RALGAPB: variants seen among roughly 807,000 people sequenced by gnomAD.
RALGAPB encodes the protein ral GTPase-activating protein subunit beta.
RALGAPB carries 25 observed loss-of-function variants against 161.1 expected under a neutral mutation model. The observed-to-expected ratio is 0.16, with a 90% CI of 0.11 to 0.22. The LOEUF (loss-of-function observed/expected upper bound fraction) is 0.22, where lower values mean the gene tolerates loss of function less well. Among genes scored for constraint, RALGAPB ranks in the 10% least tolerant of loss-of-function variants. The pLI, the probability that RALGAPB is intolerant of heterozygous loss-of-function variation, is 1.00. For synonymous variants in RALGAPB, 629 were observed against 626.1 expected, an observed-to-expected ratio of 1.00 and a Z score of -0.07; for missense variants, 1,391 against 1,815.2, an observed-to-expected ratio of 0.77 and a Z score of 4.25.
rs752562798 is a variant in RALGAPB at position 38,546,278 on chromosome 20, G to C, written c.2750G>C (p.Ser917Thr). The C allele has an allele frequency of 1.2e-6, 2 of 1,614,068 alleles. No homozygotes were observed. The highest frequency in any genetic ancestry group is 1.7e-6 in the Non-Finnish European group (2 of 1,179,984). The change falls in exon 19 of 30, where the codon AGT becomes ACT. Residue 917 changes from serine to threonine, a missense_variant. Around this residue, in one of 3 missense-constraint regions of RALGAPB, gnomAD observed 946 missense variants for 1,257.2 expected, o/e 0.75. Coordinates refer to ENST00000262879, the MANE Select transcript of RALGAPB (RefSeq NM_020336.4). ...MQLLGAFPSPSGPASPCSLVN... is the reference protein window; with the variant it reads ...MQLLGAFPSPTGPASPCSLVN... ...TTGCTCGGCGCATTTCCTTCACCTA[G>C]TGGTCCTGCCTCTCCTTGTAGTCTT...
At chr20:38,550,791 T>G (rs2087348099) in intron 20 of RALGAPB, among the ~76,000 whole-genome samples, 1 of 152,228 alleles carries the variant, frequency 6.6e-6, no homozygotes, top group East Asian at 1.9e-4. Context: ...GGATAACCAC[T>G]GAATGTGGGA....
At chr20:38,552,612 GA>G (rs2087416848) in intron 21 of RALGAPB, among the ~76,000 whole-genome samples, 1 of 152,168 alleles carries the variant, frequency 6.6e-6, no homozygotes, top group Non-Finnish European at 1.5e-5. Flanking sequence ...GTCTAGTCTA[GA>G]AAAGAGATGC....
intron 22 of RALGAPB, among the ~76,000 whole-genome samples, chr20:38,555,368 G>A (rs1017790441): frequency 7.9e-5 from 12 of 152,134 alleles, no homozygotes; most frequent in Admixed American, 5.9e-4. Flanking sequence ...AGCATGTAGC[G>A]GGAAAATTTT....
intron 21 of RALGAPB, 48 bp from the exon 22 acceptor site, chr20:38,553,819 A>T: frequency 2.3e-6 from 2 of 874,464 alleles, no homozygotes; most frequent in Non-Finnish European, 3.7e-6. Context: ...GATTGGCCTT[A>T]CTAGTTTGAT....
rs544543719 is a variant in RALGAPB at position 38,546,320 on chromosome 20, T to G, written c.2792T>G (p.Leu931Trp). The stretch of plus-strand genomic sequence containing the variant: ...TGTAGTCTTGTGAATGAGACCACTT[T>G]GATTAAATACTCCAGGCTGCCAACC... Reference protein sequence around the residue: ...SPCSLVNETTLIKYSRLPTIN... With the variant: ...SPCSLVNETTWIKYSRLPTIN... The change falls in exon 19 of 30, where the codon TTG (leucine) becomes TGG (tryptophan). Residue 931 changes from leucine to tryptophan, a missense_variant. Transcript: ENST00000262879. 2 of 1,614,142 alleles carry G rather than the reference T, an allele frequency of 1.2e-6. No homozygotes were observed. The highest frequency in any genetic ancestry group is 2.7e-5 in the African/African-American group (2 of 75,054).
At chr20:38,562,724 A>G in intron 24 of RALGAPB, 27 bp downstream of exon 24, 1 of 1,560,516 alleles carries the variant, frequency 6.4e-7, no homozygotes, top group East Asian at 2.3e-5. Flanking sequence ...TTCAAATGTC[A>G]GTTGTTTCTT....
intron 1 of RALGAPB, among the ~76,000 whole-genome samples, chr20:38,474,019 AC>A (rs879269922): frequency 6.6e-6 from 1 of 152,222 alleles, no homozygotes; most frequent in Non-Finnish European, 1.5e-5. Context: ...AGGTTGACTG[AC>A]CACTACACCT....
At position 38,499,628 on chromosome 20, in the gene RALGAPB, T is replaced by C; in HGVS notation, c.735T>C (p.Thr245=). ...GGAGCAAGGTCATTTGTGCACTCAC[T>C]TCCAGGTAGGTTATTGTCATTGCCC... ...EQWSKVICAL[T]SRLLRFTYGP... Residue 245 remains threonine (T), a synonymous_variant, in exon 5 of 30, where the codon ACT becomes ACC. Transcript: ENST00000262879. 1.9e-6 allele frequency: 3 copies of C among 1,610,422 alleles called. No individual in the cohort carries two copies. Among genetic ancestry groups the C allele is most frequent in the Non-Finnish European group, 2.5e-6 (3 of 1,178,474 alleles).
intron 20 of RALGAPB, among the ~76,000 whole-genome samples, chr20:38,549,130 A>C (rs1343245749): frequency 6.6e-6 from 1 of 152,190 alleles, no homozygotes; most frequent in Admixed American, 6.5e-5. Flanking sequence ...ACGTGAAAAA[A>C]ATTTGGTGGG....
At chr20:38,529,784 T>C (rs1047327473) in intron 13 of RALGAPB, among the ~76,000 whole-genome samples, 1 of 152,088 alleles carries the variant, frequency 6.6e-6, no homozygotes, top group Non-Finnish European at 1.5e-5. Context: ...GAGGTTGCAG[T>C]GAGCCAAGAT....
At chr20:38,488,161 TG>T (rs2085172998) in intron 1 of RALGAPB, among the ~76,000 whole-genome samples, 1 of 152,242 alleles carries the variant, frequency 6.6e-6, no homozygotes, top group Non-Finnish European at 1.5e-5. Context: ...TTATTATGTG[TG>T]ATGCCTTTAT....
intron 2 of RALGAPB, among the ~76,000 whole-genome samples, chr20:38,488,917 C>T (rs2085197635): frequency 6.6e-6 from 1 of 152,152 alleles, no homozygotes; most frequent in South Asian, 2.1e-4. Context: ...AAGACAAAGA[C>T]TTGAATGTCA....
At chr20:38,503,045 T>C (rs2085643223) in intron 5 of RALGAPB, among the ~76,000 whole-genome samples, 1 of 152,252 alleles carries the variant, frequency 6.6e-6, no homozygotes, top group Non-Finnish European at 1.5e-5. Flanking sequence ...TTAATTACTT[T>C]TGTACCAACA....
At chr20:38,494,942 A>G (rs958990197) in intron 3 of RALGAPB, among the ~76,000 whole-genome samples, 3 of 152,206 alleles carry the variant, frequency 2.0e-5, no homozygotes, top group African/African-American at 7.2e-5. Flanking sequence ...TGACTACCTT[A>G]TAAATGGTTT....
intron 26 of RALGAPB, chr20:38,569,633 C>A: frequency 2.5e-6 from 1 of 396,948 alleles, no homozygotes; most frequent in Non-Finnish European, 4.6e-6. Flanking sequence ...TTTATTAATG[C>A]AAATTATAAT....
At position 38,509,286 on chromosome 20, in the gene RALGAPB, T is replaced by C; in HGVS notation, c.872+78T>C. The C allele has an allele frequency of 2.0e-6, 3 of 1,475,792 alleles. No homozygotes were observed. In the African/African-American group the frequency reaches 4.2e-5, roughly 21 times the overall value. 91.4% of individuals were successfully genotyped at this position (1,475,792 alleles called of 1,614,324 possible). A position where few individuals can be genotyped will look rare whatever the true frequency, so the allele number is the denominator to read the frequency against. On this transcript the variant is annotated intron_variant, in intron 6 of 29. Coordinates refer to ENST00000262879, the MANE Select transcript of RALGAPB (RefSeq NM_020336.4). ...CAGGAATCATGCTGTAAGTCTCTTG[T>C]TTGAATTCAGAAGGTGGACACTAAG...
At chr20:38,483,582 A>C (rs1568897760) in intron 1 of RALGAPB, among the ~76,000 whole-genome samples, 1 of 152,150 alleles carries the variant, frequency 6.6e-6, no homozygotes, top group Non-Finnish European at 1.5e-5. Context: ...TGTACTGGCA[A>C]AACGTTCATG....
rs1456204219 is a variant in RALGAPB at position 38,509,202 on chromosome 20, T to C, written c.866T>C (p.Met289Thr). 1 of 1,612,936 alleles carries C rather than the reference T, an allele frequency of 6.2e-7. No homozygotes were observed. Among genetic ancestry groups the C allele is most frequent in the Admixed American group, 1.7e-5 (1 of 59,944 alleles). Residue 289 changes from methionine to threonine, a missense_variant, in exon 6 of 30, where the codon ATG (methionine) becomes ACG (threonine). Met to Thr is a moderately conservative substitution (Grantham distance 81, BLOSUM62 -1). Coordinates refer to ENST00000262879, the MANE Select transcript of RALGAPB (RefSeq NM_020336.4). ...VAQTWFRFLH[M>T]LSNPVDLSNP... The stretch of plus-strand genomic sequence containing the variant: ...CAGACATGGTTTCGCTTTTTACACA[T>C]GTTAAGGTATTGTTATTTTATTATT...
intron 15 of RALGAPB, among the ~76,000 whole-genome samples, chr20:38,533,864 C>T (rs190337307): frequency 4.6e-5 from 7 of 152,084 alleles, no homozygotes; most frequent in South Asian, 2.1e-4. Flanking sequence ...ACTGGCTGGG[C>T]GCAGTGGCTC....
Sources: allele counts gnomAD v4.1 joint callset (sites outside exome capture counted in the v4.1 genomes callset), GRCh38; gene constraint gnomAD v4.1.1; regional missense constraint gnomAD v4.1.1; transcripts MANE v1.5; gene names NCBI Gene and HGNC (gene_info 2026-07-23, HGNC 2026-07-21).